Variants in CTNNA2 observed in about 807,000 individuals in gnomAD.
CTNNA2 encodes the protein catenin alpha-2.
A neutral mutation model predicts 101.0 loss-of-function variants in CTNNA2; 42 were observed. The ratio of observed to expected loss-of-function variants is 0.42; its 90% CI spans 0.32 to 0.54. CTNNA2 has a LOEUF of 0.54. CTNNA2 is among the 20% of genes least tolerant of loss of function. The probability of loss-of-function intolerance (pLI) is 0.14; values close to 1 mark genes in which losing one functional copy is unlikely to be tolerated. For missense variants in CTNNA2, 871 were observed against 1,223.1 expected (o/e 0.71, Z 4.29); for synonymous variants, 450 against 456.4 (o/e 0.99, Z 0.18).
chr2:80,180,111 G>A (rs1398520671), intron 7 of CTNNA2, among the ~76,000 whole-genome samples: 1 of 152,180 alleles, frequency 6.6e-6, no homozygotes, highest in African/African-American at 2.4e-5. Context: ...CCTTTCCCCA[G>A]TGCACAGTTA....
chr2:80,536,094 C>A (rs968314628), intron 9 of CTNNA2, among the ~76,000 whole-genome samples: 1 of 152,154 alleles, frequency 6.6e-6, no homozygotes, highest in African/African-American at 2.4e-5. Context: ...AATTGTGAAA[C>A]TCCATCTGTA....
intron 7 of CTNNA2, among the ~76,000 whole-genome samples, chr2:80,267,622 G>A (rs1238408666): frequency 2.0e-5 from 3 of 152,190 alleles, no homozygotes; most frequent in African/African-American, 7.2e-5. Context: ...GGAAGGAGAC[G>A]ATTCGCTCTA....
At chr2:80,238,502 G>A (rs1210460716) in intron 7 of CTNNA2, among the ~76,000 whole-genome samples, 1 of 152,194 alleles carries the variant, frequency 6.6e-6, no homozygotes, top group Non-Finnish European at 1.5e-5. Flanking sequence ...AGGAGGAGAA[G>A]TACGGAGGAT....
At chr2:79,589,820 G>A (rs1320982894) in intron 1 of CTNNA2, among the ~76,000 whole-genome samples, 1 of 151,092 alleles carries the variant, frequency 6.6e-6, no homozygotes, top group African/African-American at 2.4e-5. Context: ...GTTTACTATC[G>A]CACCAAGCTA....
chr2:80,517,236 C>T (rs531551298), intron 9 of CTNNA2, among the ~76,000 whole-genome samples: 7 of 152,284 alleles, frequency 4.6e-5, no homozygotes, highest in African/African-American at 1.4e-4. Context: ...CAAAATAAAT[C>T]GATCAAATTA....
intron 1 of CTNNA2, among the ~76,000 whole-genome samples, chr2:79,554,860 G>C (rs751005379): frequency 6.6e-5 from 10 of 152,120 alleles, no homozygotes; most frequent in Non-Finnish European, 1.3e-4. Context: ...AATTTACCCT[G>C]TCCTATCCAA....
intron 3 of CTNNA2, among the ~76,000 whole-genome samples, chr2:79,329,413 T>G (rs1160373425): frequency 6.6e-6 from 1 of 152,182 alleles, no homozygotes; most frequent in Non-Finnish European, 1.5e-5. Context: ...TAACTTGTGA[T>G]CAGGTGGCAG....
chr2:79,937,021 A>G (rs989083240), intron 7 of CTNNA2, among the ~76,000 whole-genome samples: 16 of 152,182 alleles, frequency 1.1e-4, no homozygotes, highest in Non-Finnish European at 2.2e-4. Context: ...CATAGAAAAT[A>G]ATGCCATTGA....
chr2:79,459,138 G>C (rs1354961912), intron 4 of CTNNA2, among the ~76,000 whole-genome samples: 1 of 152,092 alleles, frequency 6.6e-6, no homozygotes, highest in Non-Finnish European at 1.5e-5. Flanking sequence ...GCAACATAGA[G>C]AAGCAACTAA....
At chr2:80,277,870 G>A (rs1410949163) in intron 7 of CTNNA2, among the ~76,000 whole-genome samples, 1 of 152,098 alleles carries the variant, frequency 6.6e-6, no homozygotes. Context: ...TCATGAAACA[G>A]TTACTAGAAG....
intron 4 of CTNNA2, among the ~76,000 whole-genome samples, chr2:79,468,792 C>T (rs202054921): frequency 0.32 from 48,022 of 151,938 alleles, 7,715 homozygotes; most frequent in South Asian, 0.44. Flanking sequence ...GGGTACATAA[C>T]GAAATGAAGG....
At chr2:80,385,108 CA>C (rs1220722635) in intron 7 of CTNNA2, among the ~76,000 whole-genome samples, 4 of 152,006 alleles carry the variant, frequency 2.6e-5, no homozygotes. Flanking sequence ...TAATGACAAG[CA>C]AAACAATTAT....
At chr2:80,639,762 A>T (rs1219620202) in intron 18 of CTNNA2, among the ~76,000 whole-genome samples, 2 of 152,200 alleles carry the variant, frequency 1.3e-5, no homozygotes, top group Non-Finnish European at 2.9e-5. Flanking sequence ...ATATGTCTGT[A>T]AAATCAGCTG....
chr2:80,111,811 A>G (rs970313014), intron 7 of CTNNA2, among the ~76,000 whole-genome samples: 1 of 152,220 alleles, frequency 6.6e-6, no homozygotes, highest in Admixed American at 6.5e-5. Flanking sequence ...TATAGGCATG[A>G]GCCACTGTGT....
chr2:79,947,173 G>A (rs1347324083), intron 7 of CTNNA2, among the ~76,000 whole-genome samples: 2 of 152,076 alleles, frequency 1.3e-5, no homozygotes, highest in African/African-American at 2.4e-5. Context: ...AAAATAAATT[G>A]CAATAATTCA....
intron 7 of CTNNA2, among the ~76,000 whole-genome samples, chr2:80,331,146 T>G (rs1671291605): frequency 6.6e-6 from 1 of 151,986 alleles, no homozygotes; most frequent in Admixed American, 6.6e-5. Flanking sequence ...AGCCCTTTTA[T>G]CTAACAAGGC....
chr2:79,523,567 T>G (rs1228442853), intron 1 of CTNNA2, among the ~76,000 whole-genome samples: 1 of 152,160 alleles, frequency 6.6e-6, no homozygotes, highest in Non-Finnish European at 1.5e-5. Flanking sequence ...TGAACATCCT[T>G]ATACAGGTTT....
At chr2:79,392,466 A>G (rs1290719370) in intron 4 of CTNNA2, among the ~76,000 whole-genome samples, 1 of 152,150 alleles carries the variant, frequency 6.6e-6, no homozygotes, top group Non-Finnish European at 1.5e-5. Context: ...TTGAATCACT[A>G]TTTTAGTTTA....
At chr2:80,179,093 T>C (rs374578904) in intron 7 of CTNNA2, among the ~76,000 whole-genome samples, 1 of 152,218 alleles carries the variant, frequency 6.6e-6, no homozygotes, top group Non-Finnish European at 1.5e-5. Flanking sequence ...ATATTGCTGG[T>C]CTTGACAGCT....
Sources: gnomAD v4.1 joint callset for allele counts (sites outside exome capture counted in the v4.1 genomes callset) on GRCh38, gnomAD v4.1.1 for gene constraint, MANE v1.5 for transcripts, NCBI Gene and HGNC (gene_info 2026-07-23, HGNC 2026-07-21) for gene names.